The following CSMD1 variants were observed in gnomAD, a reference collection of about 807,000 sequenced individuals.
CSMD1 encodes CUB and sushi domain-containing protein 1.
Under a neutral mutation model 417.5 loss-of-function variants are expected in CSMD1, and 213 were observed. The observed-to-expected ratio is 0.51, with a 90% CI of 0.46 to 0.57. The LOEUF (loss-of-function observed/expected upper bound fraction) is 0.57. CSMD1 is among the 20% of genes least tolerant of loss of function. The probability of loss-of-function intolerance (pLI) is 0.00; values close to 1 mark genes in which losing one functional copy is unlikely to be tolerated. For synonymous variants in CSMD1, 2,862 were observed against 1,736.8 expected, an observed-to-expected ratio of 1.65 and a Z score of -16.11; for missense variants, 6,923 against 4,529.7, an observed-to-expected ratio of 1.53 and a Z score of -15.17.
chr8:4,052,533 C>T (rs143192086), intron 3 of CSMD1, among the ~76,000 whole-genome samples: 110 of 152,178 alleles, frequency 7.2e-4, no homozygotes, highest in African/African-American at 2.3e-3. Context: ...TTTGCTAGAA[C>T]GTCAATGCAC....
intron 1 of CSMD1, among the ~76,000 whole-genome samples, chr8:4,923,908 G>A (rs577941381): frequency 5.2e-4 from 79 of 152,300 alleles, no homozygotes; most frequent in African/African-American, 1.7e-3. Context: ...GGTTTCTTTG[G>A]TTTGGGTTCT....
chr8:3,057,980 C>G (rs187739195), intron 49 of CSMD1, among the ~76,000 whole-genome samples: 1 of 152,186 alleles, frequency 6.6e-6, no homozygotes, highest in Non-Finnish European at 1.5e-5. Flanking sequence ...AGCAGACCCT[C>G]GCCAAGTATC....
At chr8:4,348,025 G>A (rs1272201007) in intron 3 of CSMD1, among the ~76,000 whole-genome samples, 5 of 151,874 alleles carry the variant, frequency 3.3e-5, no homozygotes, top group East Asian at 1.9e-4. Flanking sequence ...GCATAAAGAG[G>A]AAAAAAACAG....
chr8:3,332,765 G>C (rs151071263), intron 23 of CSMD1, among the ~76,000 whole-genome samples: 2 of 152,148 alleles, frequency 1.3e-5, no homozygotes, highest in African/African-American at 4.8e-5. Context: ...AACTCTGACG[G>C]GCAGATGTTG....
At chr8:3,592,666 G>A (rs1800902734) in intron 8 of CSMD1, among the ~76,000 whole-genome samples, 1 of 128,662 alleles carries the variant, frequency 7.8e-6, no homozygotes, top group Middle Eastern at 3.6e-3. Context: ...TTACGTGTGT[G>A]TGCACATCCG....
chr8:4,032,843 G>C (rs548454796), intron 3 of CSMD1, among the ~76,000 whole-genome samples: 6 of 152,248 alleles, frequency 3.9e-5, no homozygotes, highest in South Asian at 2.1e-4. Flanking sequence ...CTCTCAGCCA[G>C]GGTGATTCCA....
At chr8:3,344,971 C>A in intron 22 of CSMD1, among the ~76,000 whole-genome samples, 1 of 152,220 alleles carries the variant, frequency 6.6e-6, no homozygotes, top group Non-Finnish European at 1.5e-5. Flanking sequence ...TTAGACGAGC[C>A]GGGGTCTGAC....
intron 3 of CSMD1, among the ~76,000 whole-genome samples, chr8:4,145,076 T>C (rs901208371): frequency 6.6e-6 from 1 of 151,174 alleles, no homozygotes; most frequent in East Asian, 1.9e-4. Flanking sequence ...TACAAAGATT[T>C]AAGGATGTTA....
intron 6 of CSMD1, among the ~76,000 whole-genome samples, chr8:3,722,263 A>G (rs144647123): frequency 0.025 from 3,809 of 152,204 alleles, 58 homozygotes; most frequent in Non-Finnish European, 0.036. Context: ...AGTCGAGATC[A>G]CACCACTGCA....
chr8:3,928,794 G>A (rs1223975997), intron 5 of CSMD1, among the ~76,000 whole-genome samples: 2 of 113,128 alleles, frequency 1.8e-5, no homozygotes, highest in East Asian at 6.1e-4. Context: ...CCACCCCCGG[G>A]CCAGTTCTAT....
At chr8:4,061,323 A>C (rs1798962264) in intron 3 of CSMD1, among the ~76,000 whole-genome samples, 1 of 152,202 alleles carries the variant, frequency 6.6e-6, no homozygotes, top group Non-Finnish European at 1.5e-5. Flanking sequence ...TTAACAAGGA[A>C]CCACTAAAAA....
At chr8:4,974,014 A>G (rs764547236) in intron 1 of CSMD1, among the ~76,000 whole-genome samples, 2 of 151,980 alleles carry the variant, frequency 1.3e-5, no homozygotes, top group Non-Finnish European at 2.9e-5. Context: ...CCTCTCTGGA[A>G]ATTATTTTAT....
chr8:3,310,505 C>G (rs1313443593), intron 23 of CSMD1, among the ~76,000 whole-genome samples: 1 of 152,174 alleles, frequency 6.6e-6, no homozygotes, highest in Admixed American at 6.5e-5. Context: ...TAATAACAAA[C>G]AATCTTCCAA....
intron 37 of CSMD1, among the ~76,000 whole-genome samples, chr8:3,170,286 C>T (rs61344578): frequency 0.22 from 32,975 of 152,152 alleles, 3,969 homozygotes; most frequent in African/African-American, 0.33. Flanking sequence ...TGGCTCACTG[C>T]AAGCTCCGCC....
chr8:3,394,624 A>C (rs1441985345), intron 17 of CSMD1, among the ~76,000 whole-genome samples: 3 of 5,580 alleles, frequency 5.4e-4, no homozygotes, highest in Non-Finnish European at 9.3e-4. Flanking sequence ...CTGGTGTAGA[A>C]AAAGTTGGGG....
chr8:3,997,959 C>A lies in CSMD1; in HGVS notation c.762G>T (p.Gln254His), dbSNP rs777408813. ...DTIALVFTDFQLEEGYDFLEI... is the reference protein window; with the variant it reads ...DTIALVFTDFHLEEGYDFLEI... ...CTAAGAAATCATATCCTTCTTCTAG[C>A]TGAAAGTCAGTGAAGACCAGCGCAA... is the stretch of plus-strand genomic sequence containing the variant. Residue 254 changes from glutamine to histidine, a missense_variant, in exon 5 of 70, where the codon CAG becomes CAT. By Grantham distance (24) the Gln-to-His change is conservative. Transcript: ENST00000635120. 6.2e-6 allele frequency: 10 copies of A among 1,611,894 alleles called. No individual in the cohort carries two copies. In the African/African-American group the frequency reaches 1.1e-4, roughly 17 times the overall value.
At chr8:4,699,836 C>T (rs1807397985) in intron 1 of CSMD1, among the ~76,000 whole-genome samples, 1 of 152,128 alleles carries the variant, frequency 6.6e-6, no homozygotes, top group African/African-American at 2.4e-5. Context: ...GCAGAGAGTA[C>T]AAGTGAGATT....
intron 2 of CSMD1, among the ~76,000 whole-genome samples, chr8:4,432,784 G>A (rs1175046573): frequency 1.3e-5 from 2 of 152,146 alleles, no homozygotes; most frequent in South Asian, 2.1e-4. Flanking sequence ...AAGCCAAGCA[G>A]TAATTTTGGT....
chr8:3,482,269 G>A (rs932917818), intron 11 of CSMD1, among the ~76,000 whole-genome samples: 3 of 152,004 alleles, frequency 2.0e-5, no homozygotes, highest in Non-Finnish European at 1.5e-5. Context: ...CCCAAATAAT[G>A]AGGCTTAAAA....
Sources: gnomAD v4.1 joint callset for allele counts (sites outside exome capture counted in the v4.1 genomes callset) on GRCh38, gnomAD v4.1.1 for gene constraint, MANE v1.5 for transcripts, NCBI Gene and HGNC (gene_info 2026-07-23, HGNC 2026-07-21) for gene names.